ATAD2B: variants seen among roughly 807,000 people sequenced by gnomAD.
ATAD2B encodes the protein ATPase family AAA domain-containing protein 2B.
Under a neutral mutation model 167.6 loss-of-function variants are expected in ATAD2B, and 40 were observed. The observed-to-expected ratio is 0.24, with a 90% CI of 0.19 to 0.31. The LOEUF (loss-of-function observed/expected upper bound fraction) is 0.31, where lower values mean the gene tolerates loss of function less well. ATAD2B is among the 10% of genes least tolerant of loss of function. The probability of loss-of-function intolerance (pLI) is 1.00; values close to 1 mark genes in which losing one functional copy is unlikely to be tolerated. For missense variants in ATAD2B, 1,242 were observed against 1,757.2 expected (o/e 0.71, Z 5.24); for synonymous variants, 579 against 596.5 (o/e 0.97, Z 0.43).
chr2:23,850,707 G>T (rs999275507), intron 13 of ATAD2B, among the ~76,000 whole-genome samples: 5 of 152,148 alleles, frequency 3.3e-5, no homozygotes, highest in African/African-American at 1.2e-4. Flanking sequence ...TTTGGGGGAA[G>T]TGAAAATATT....
intron 18 of ATAD2B, among the ~76,000 whole-genome samples, chr2:23,804,816 C>CA (rs900289521): frequency 6.6e-6 from 1 of 151,558 alleles, no homozygotes; most frequent in Non-Finnish European, 1.5e-5. Flanking sequence ...CAACTATAAA[C>CA]AAAAATAAAA....
At chr2:23,754,450 T>C in intron 26 of ATAD2B, 143 bp from the exon 27 acceptor site, 1 of 1,150,280 alleles carries the variant, frequency 8.7e-7, no homozygotes, top group Non-Finnish European at 1.2e-6. Context: ...GGGCTTAAAA[T>C]CATTCCCTTA....
intron 19 of ATAD2B, among the ~76,000 whole-genome samples, chr2:23,796,152 T>C (rs77969164): frequency 0.026 from 3,981 of 152,218 alleles, 174 homozygotes; most frequent in African/African-American, 0.091. Context: ...ATAAAACATG[T>C]TATATAATCA....
chr2:23,786,259 G>A (rs1297357920), intron 20 of ATAD2B, 36 bp from the exon 21 acceptor site: 8 of 1,499,348 alleles, frequency 5.3e-6, no homozygotes, highest in East Asian at 2.5e-5. Context: ...AGATTCCAAC[G>A]TCGTGGGCCA....
intron 13 of ATAD2B, among the ~76,000 whole-genome samples, chr2:23,847,821 C>T (rs1224555279): frequency 6.7e-6 from 1 of 149,118 alleles, no homozygotes; most frequent in Non-Finnish European, 1.5e-5. Context: ...CCCATCTCTA[C>T]TAAAAAAAAA....
the ATAD2B span, among the ~76,000 whole-genome samples, chr2:23,717,787 C>G: frequency 1.3e-5 from 2 of 152,080 alleles, no homozygotes; most frequent in Admixed American, 6.5e-5. Flanking sequence ...ATCTTCAACA[C>G]AAGCAAAAGG....
At chr2:23,704,628 G>C in the ATAD2B span, among the ~76,000 whole-genome samples, 1 of 152,190 alleles carries the variant, frequency 6.6e-6, no homozygotes, top group Non-Finnish European at 1.5e-5. Context: ...TTTGCCAGGC[G>C]TGGTGGCATG....
At chr2:23,821,429 G>A (rs868131601) in intron 16 of ATAD2B, among the ~76,000 whole-genome samples, 2 of 152,136 alleles carry the variant, frequency 1.3e-5, no homozygotes, top group Admixed American at 6.6e-5. Context: ...TCATGGCATC[G>A]TGCCTGGCTC....
the ATAD2B span, chr2:23,703,943 C>A: frequency 1.4e-6 from 2 of 1,406,024 alleles, no homozygotes; most frequent in Non-Finnish European, 1.9e-6. Flanking sequence ...GATTTCCTGC[C>A]ATCAGTGACC....
At chr2:23,785,239 C>T (rs1374853674) in intron 21 of ATAD2B, among the ~76,000 whole-genome samples, 1 of 152,002 alleles carries the variant, frequency 6.6e-6, no homozygotes, top group Non-Finnish European at 1.5e-5. Context: ...ACCCATAATT[C>T]ATTTTTTTAA....
At chr2:23,888,890 A>G (rs1386301423) in intron 2 of ATAD2B, among the ~76,000 whole-genome samples, 3 of 152,238 alleles carry the variant, frequency 2.0e-5, no homozygotes, top group Non-Finnish European at 4.4e-5. Flanking sequence ...TGATTTATCG[A>G]AAGAGCCATT....
the ATAD2B span, among the ~76,000 whole-genome samples, chr2:23,692,454 G>A: frequency 6.6e-6 from 1 of 152,230 alleles, no homozygotes; most frequent in Non-Finnish European, 1.5e-5. Context: ...GTGAGGGAGG[G>A]ACAAAGACGA....
chr2:23,865,303 C>A (rs1339318171), intron 10 of ATAD2B, among the ~76,000 whole-genome samples: 2 of 152,002 alleles, frequency 1.3e-5, no homozygotes, highest in African/African-American at 2.4e-5. Flanking sequence ...CCAAGGAGGG[C>A]GGATCACCTG....
intron 18 of ATAD2B, among the ~76,000 whole-genome samples, chr2:23,801,679 C>T (rs1558555739): frequency 6.6e-6 from 1 of 151,968 alleles, no homozygotes; most frequent in Non-Finnish European, 1.5e-5. Context: ...CTTCTTGCCA[C>T]AGACATCATA....
intron 16 of ATAD2B, among the ~76,000 whole-genome samples, chr2:23,822,001 C>T (rs1203806585): frequency 6.6e-6 from 1 of 152,052 alleles, no homozygotes; most frequent in East Asian, 1.9e-4. Flanking sequence ...ATCTCAGGTG[C>T]AAAGTACAAT....
chr2:23,838,347 A>C (rs1173366781), intron 13 of ATAD2B, among the ~76,000 whole-genome samples: 2 of 152,170 alleles, frequency 1.3e-5, no homozygotes, highest in African/African-American at 4.8e-5. Context: ...ATTTATCTGC[A>C]TTTTTAAGTG....
intron 15 of ATAD2B, among the ~76,000 whole-genome samples, chr2:23,826,602 AG>A (rs1688296232): frequency 6.6e-6 from 1 of 152,176 alleles, no homozygotes; most frequent in African/African-American, 2.4e-5. Context: ...GCTACTAAAG[AG>A]GTTAGACTAG....
chr2:23,801,729 T>TA (rs909389775), intron 18 of ATAD2B, among the ~76,000 whole-genome samples: 12 of 151,370 alleles, frequency 7.9e-5, no homozygotes, highest in South Asian at 2.1e-4. Flanking sequence ...CTTTCTTTAT[T>TA]AAAAAAAAAT....
chr2:23,872,893 C>T (rs926816886), intron 8 of ATAD2B: 1 of 789,390 alleles, frequency 1.3e-6, no homozygotes, highest in African/African-American at 1.7e-5. Context: ...TGCCTGCCTG[C>T]CACTCTTCAT....
Sources: gnomAD v4.1 joint callset for allele counts (sites outside exome capture counted in the v4.1 genomes callset) on GRCh38, gnomAD v4.1.1 for gene constraint, MANE v1.5 for transcripts, NCBI Gene and HGNC (gene_info 2026-07-23, HGNC 2026-07-21) for gene names.